SYT17: variants seen among roughly 807,000 people sequenced by gnomAD.
The protein encoded by SYT17 is synaptotagmin-17.
Under a neutral mutation model 46.7 loss-of-function variants are expected in SYT17, and 22 were observed. The observed-to-expected ratio is 0.47, with a 90% CI of 0.34 to 0.67. SYT17 has a LOEUF of 0.67. Ranked by LOEUF, SYT17 falls within the 30% of genes least tolerant of loss-of-function variation. The probability of loss-of-function intolerance (pLI) is 0.01; values close to 1 mark genes in which losing one functional copy is unlikely to be tolerated. For synonymous variants in SYT17, 251 were observed against 248.4 expected (o/e 1.01, Z -0.10); for missense variants, 519 against 612.8 (o/e 0.85, Z 1.62).
chr16:19,217,236 G>A, intron 5 of SYT17, among the ~76,000 whole-genome samples: 1 of 152,024 alleles, frequency 6.6e-6, no homozygotes, highest in East Asian at 1.9e-4. Context: ...GTGGCATTTA[G>A]TAAATTCTCA....
chr16:19,242,848 T>A (rs944362243), intron 7 of SYT17, among the ~76,000 whole-genome samples: 4 of 152,230 alleles, frequency 2.6e-5, no homozygotes, highest in South Asian at 4.2e-4. Flanking sequence ...GAGTGTTTAT[T>A]GAACACCCAT....
chr16:19,222,163 C>T (rs1966341667), intron 5 of SYT17, among the ~76,000 whole-genome samples: 1 of 152,106 alleles, frequency 6.6e-6, no homozygotes, highest in South Asian at 2.1e-4. Flanking sequence ...TCAGCTAAAA[C>T]GTTTCACAAG....
At chr16:19,178,232 G>A (rs1317867825) in intron 3 of SYT17, among the ~76,000 whole-genome samples, 3 of 148,934 alleles carry the variant, frequency 2.0e-5, no homozygotes, top group East Asian at 1.9e-4. Context: ...ACAGGCGTCC[G>A]CCACCACGCC....
At chr16:19,172,389 G>T in intron 1 of SYT17, 1 of 1,408,218 alleles carries the variant, frequency 7.1e-7, no homozygotes, top group East Asian at 2.6e-5. Flanking sequence ...TGGCTACATG[G>T]CTATTTCTGT....
rs140587743 is a variant in SYT17 at position 19,183,700 on chromosome 16, C to T, written c.504C>T (p.Ser168=). Residue 168 remains serine (S), a synonymous_variant, in exon 5 of 8, where the codon AGC becomes AGT. Transcript: ENST00000355377. The surrounding 1 kb of genome is among the most constrained non-coding windows in gnomAD (Gnocchi z 5.6). ...ACCTGTACTCCCTCGACTCCAACAG[C>T]GACGATGTGGACTCTCTGACAGACG... ...EPHLYSLDSN[S]DDVDSLTDEE... The T allele has an allele frequency of 1.3e-5, 21 of 1,614,078 alleles. No homozygotes were observed. The highest frequency in any genetic ancestry group is 1.2e-4 in the African/African-American group (9 of 74,938).
At chr16:19,235,750 T>C (rs977843919) in intron 7 of SYT17, among the ~76,000 whole-genome samples, 1 of 152,164 alleles carries the variant, frequency 6.6e-6, no homozygotes, top group Non-Finnish European at 1.5e-5. Flanking sequence ...TAGAAGATAT[T>C]AGAATTACGT....
rs1046009540 is a variant in SYT17 at position 19,168,939 on chromosome 16, C to A, written c.15+278C>A. ...GGAATGGGGGGTGGGGCGGACTTTT[C>A]TTCTCCCCTGCCCCCTCCCTCTCCT... On this transcript the variant is annotated intron_variant, in intron 1 of 7. Transcript: ENST00000355377. This position sits in a 1 kb window ranked among gnomAD's most constrained non-coding sequence, Gnocchi z 6.9. Among the ~76,000 whole-genome samples the A allele has an allele frequency of 6.6e-6, 1 of 150,954 alleles. No homozygotes were observed. The highest frequency in any genetic ancestry group is 1.5e-5 in the Non-Finnish European group (1 of 67,596).
chr16:19,198,129 A>C (rs1340337080), intron 5 of SYT17, among the ~76,000 whole-genome samples: 1 of 152,312 alleles, frequency 6.6e-6, no homozygotes, highest in African/African-American at 2.4e-5. Flanking sequence ...GGAATTTTGC[A>C]AGCTGGTTAA....
chr16:19,261,067 C>T (rs1306682089), intron 7 of SYT17, among the ~76,000 whole-genome samples: 1 of 152,092 alleles, frequency 6.6e-6, no homozygotes, highest in Non-Finnish European at 1.5e-5. Context: ...TCTCGAACTC[C>T]TGGGCTCAAG....
intron 5 of SYT17, among the ~76,000 whole-genome samples, chr16:19,191,433 C>G (rs1249568434): frequency 2.0e-5 from 3 of 152,136 alleles, no homozygotes; most frequent in Non-Finnish European, 4.4e-5. Context: ...ACCAAAAGGT[C>G]CCATCTATGA....
Position 19,219,445 on chromosome 16 carries a change from A to T in SYT17, c.952-3600A>T, listed in dbSNP as rs1482971472. 1.4e-5 allele frequency among the ~76,000 whole-genome samples: 2 copies of T among 139,270 alleles called. 1 individual carries two copies. Among genetic ancestry groups the T allele is most frequent in the African/African-American group, 5.2e-5 (2 of 38,592 alleles). The allele number at this position is 139,270 out of a possible 152,430, so 91.4% of individuals were successfully genotyped here. A position where few individuals can be genotyped will look rare whatever the true frequency, so the allele number is the denominator to read the frequency against. ...AAAAAAAAAAAAAAAAAAAAAAAAA[A>T]ATAATAATAATAATAATAATAAAAC... On this transcript the variant is annotated intron_variant, in intron 5 of 7. Transcript: ENST00000355377.
At chr16:19,187,775 T>A (rs150258354) in intron 5 of SYT17, among the ~76,000 whole-genome samples, 1 of 152,236 alleles carries the variant, frequency 6.6e-6, no homozygotes, top group Non-Finnish European at 1.5e-5. Flanking sequence ...AAATCAACAC[T>A]ACAATGAGAT....
chr16:19,182,583 A>G (rs1964601547), intron 4 of SYT17, among the ~76,000 whole-genome samples: 1 of 152,190 alleles, frequency 6.6e-6, no homozygotes, highest in South Asian at 2.1e-4. Flanking sequence ...CCCAGCTCTG[A>G]ACACAGGTTA....
intron 3 of SYT17, 86 bp downstream of exon 3, chr16:19,173,664 C>T (rs370954624): frequency 9.7e-6 from 14 of 1,443,242 alleles, no homozygotes; most frequent in African/African-American, 1.4e-5. Flanking sequence ...GTCTGGGCCA[C>T]GGGAGGGAGG....
intron 2 of SYT17, chr16:19,173,165 A>G (rs1964169591): frequency 1.8e-6 from 1 of 547,264 alleles, no homozygotes; most frequent in African/African-American, 1.9e-5. Context: ...ATAAACTACA[A>G]AAGAAAATAC....
At chr16:19,211,288 G>C in intron 5 of SYT17, 1 of 634,072 alleles carries the variant, frequency 1.6e-6, no homozygotes, top group Non-Finnish European at 2.9e-6. Flanking sequence ...GGGTTGGATA[G>C]GACAGGGGGT....
chr16:19,183,697 C>T lies in SYT17; in HGVS notation c.501C>T (p.Asn167=), dbSNP rs77785058. ...FEPHLYSLDS[N]SDDVDSLTDE... is the part of the protein sequence containing the mutation. ...CCCACCTGTACTCCCTCGACTCCAA[C>T]AGCGACGATGTGGACTCTCTGACAG... is the stretch of plus-strand genomic sequence containing the variant. The change falls in exon 5 of 8, where the codon AAC becomes AAT. Residue 167 remains asparagine (N), a synonymous_variant. Coordinates refer to ENST00000355377, the MANE Select transcript of SYT17 (RefSeq NM_016524.4). The surrounding 1 kb of genome is among the most constrained non-coding windows in gnomAD (Gnocchi z 5.6). 3.7e-5 allele frequency: 60 copies of T among 1,614,226 alleles called. No homozygotes were observed. In the East Asian group the frequency reaches 1.3e-3, roughly 35 times the overall value.
In SYT17 at chr16:19,168,643, GA is replaced by G; in HGVS notation, c.1del. 6.5e-7 allele frequency: 1 copy of G among 1,537,848 alleles called. No individual in the cohort carries two copies. Among genetic ancestry groups the G allele is most frequent in the East Asian group, 2.6e-5 (1 of 38,560 alleles). On this transcript the variant is annotated 5_prime_UTR_variant, in exon 1 of 8. Transcript: ENST00000355377. The surrounding 1 kb of genome is among the most constrained non-coding windows in gnomAD (Gnocchi z 6.9). ...CGGGCCGGAGTGAGTGCGCGCGGGC[GA>G]AAATGGCGTACATCCAGGTAGGGCT...
chr16:19,223,478 G>A (rs1033603495), intron 6 of SYT17, among the ~76,000 whole-genome samples: 2 of 152,204 alleles, frequency 1.3e-5, no homozygotes, highest in South Asian at 2.1e-4. Flanking sequence ...ATCAATGAGC[G>A]TGGAGGACAC....
Sources: allele counts gnomAD v4.1 joint callset (sites outside exome capture counted in the v4.1 genomes callset), GRCh38; gene constraint gnomAD v4.1.1; non-coding constraint Gnocchi (gnomAD v3.1); transcripts MANE v1.5; gene names NCBI Gene and HGNC (gene_info 2026-07-23, HGNC 2026-07-21).